Variants in ERBB4 observed in about 807,000 individuals in gnomAD.
ERBB4 encodes receptor tyrosine-protein kinase erbB-4.
In ERBB4, 42 loss-of-function variants were observed where a neutral mutation model predicts 158.0. The observed-to-expected ratio is 0.27, with a 90% CI of 0.21 to 0.34. The LOEUF (loss-of-function observed/expected upper bound fraction) is 0.34. Ranked by LOEUF, ERBB4 falls within the 10% of genes least tolerant of loss-of-function variation. ERBB4 has a pLI of 1.00. For missense variants in ERBB4, 1,333 were observed against 1,624.1 expected (o/e 0.82, Z 3.08); for synonymous variants, 583 against 558.7 (o/e 1.04, Z -0.61).
chr2:211,690,587 CCAATAGA>C (rs2072770300), intron 12 of ERBB4, among the ~76,000 whole-genome samples: 1 of 152,072 alleles, frequency 6.6e-6, no homozygotes, highest in African/African-American at 2.4e-5. Flanking sequence ...TCTTTCCAGA[CCAATAGA>C]TGATGGAAGT....
intron 1 of ERBB4, among the ~76,000 whole-genome samples, chr2:212,161,806 T>C (rs1173944038): frequency 1.3e-5 from 2 of 151,810 alleles, no homozygotes; most frequent in Non-Finnish European, 2.9e-5. Context: ...TAACATTTGG[T>C]AAGAAGTGTA....
intron 3 of ERBB4, among the ~76,000 whole-genome samples, chr2:211,865,703 C>T (rs2078187238): frequency 6.6e-6 from 1 of 152,102 alleles, no homozygotes; most frequent in African/African-American, 2.4e-5. Context: ...CAGTTTTTCC[C>T]ATATTAATTA....
intron 1 of ERBB4, among the ~76,000 whole-genome samples, chr2:212,327,728 C>CTTT (rs11413473): frequency 5.2e-5 from 7 of 133,354 alleles, no homozygotes; most frequent in African/African-American, 8.3e-5. Context: ...TTCTTTTTTT[C>CTTT]TTTTTTTTTT....
chr2:212,485,475 G>C (rs1245837758), intron 1 of ERBB4, among the ~76,000 whole-genome samples: 1 of 152,164 alleles, frequency 6.6e-6, no homozygotes, highest in African/African-American at 2.4e-5. Flanking sequence ...GCTACGGAAT[G>C]AATTGTCAAA....
intron 1 of ERBB4, among the ~76,000 whole-genome samples, chr2:212,488,303 C>A (rs1320901670): frequency 6.8e-6 from 1 of 147,672 alleles, no homozygotes; most frequent in Non-Finnish European, 1.5e-5. Context: ...TCACTTTTTT[C>A]TAAGTTTCCT....
intron 19 of ERBB4, among the ~76,000 whole-genome samples, chr2:211,580,901 ATATAT>A (rs1461360396): frequency 0.12 from 744 of 6,146 alleles, 134 homozygotes; most frequent in African/African-American, 0.45. Flanking sequence ...ATATATATAT[ATATAT>A]ATATATATAT....
intron 3 of ERBB4, among the ~76,000 whole-genome samples, chr2:211,910,904 A>C (rs984419820): frequency 6.6e-6 from 1 of 152,186 alleles, no homozygotes; most frequent in East Asian, 1.9e-4. Context: ...TCCTTTATTC[A>C]AAATAATGTG....
rs76081578 is a variant in ERBB4 at position 212,295,149 on chromosome 2, T to G, written c.83-170246A>C. On this transcript the variant is annotated intron_variant, in intron 1 of 27. Transcript: ENST00000342788. ...CAAGCAGGTCTTGCAAGTTGTCAAT[T>G]AAAAGTCTGATATATTGATGTCCTC... 4.7e-3 allele frequency among the ~76,000 whole-genome samples: 713 copies of G among 152,180 alleles called. 1 individual carries two copies. Among genetic ancestry groups the G allele is most frequent in the African/African-American group, 0.017 (688 of 41,544 alleles).
At chr2:211,477,299 C>G (rs1390391660) in intron 20 of ERBB4, among the ~76,000 whole-genome samples, 1 of 144,568 alleles carries the variant, frequency 6.9e-6, no homozygotes, top group Non-Finnish European at 1.5e-5. Context: ...TCCTTAAAAT[C>G]TCTCTCTCTC....
At chr2:211,496,562 G>T (rs377581322) in intron 20 of ERBB4, among the ~76,000 whole-genome samples, 3 of 150,812 alleles carry the variant, frequency 2.0e-5, no homozygotes, top group African/African-American at 7.3e-5. Flanking sequence ...TCCAAATGAT[G>T]ACTACTTCTT....
intron 12 of ERBB4, among the ~76,000 whole-genome samples, chr2:211,687,515 A>T (rs1172387063): frequency 7.9e-6 from 1 of 127,222 alleles, no homozygotes; most frequent in African/African-American, 2.7e-5. Context: ...TGTTATTTTT[A>T]GCATTGTATG....
intron 20 of ERBB4, among the ~76,000 whole-genome samples, chr2:211,470,295 A>T (rs1025663663): frequency 3.9e-5 from 6 of 152,158 alleles, no homozygotes; most frequent in African/African-American, 1.4e-4. Flanking sequence ...GAAAAGGACA[A>T]TGTTAGTGGC....
chr2:212,483,631 T>C (rs1689823122), intron 1 of ERBB4, among the ~76,000 whole-genome samples: 1 of 152,192 alleles, frequency 6.6e-6, no homozygotes. Flanking sequence ...AAAGAGAATA[T>C]CTTGATTTAG....
At chr2:212,304,954 GTATA>G (rs147792901) in intron 1 of ERBB4, among the ~76,000 whole-genome samples, 3,177 of 150,950 alleles carry the variant, frequency 0.021, 121 homozygotes, top group African/African-American at 0.072. Flanking sequence ...GTGTGTGTGT[GTATA>G]TATATATAAT....
rs1437512949 is a variant in ERBB4 at position 211,571,038 on chromosome 2, C to CCTCTTTTTTTTTTTTTTT, written c.2302-8951_2302-8950insAAAAAAAAAAAAAAAGAG. On this transcript the variant is annotated intron_variant, in intron 19 of 27. Transcript: ENST00000342788. ...GATTTTTCACTCTCTGAGTACTCTT[C>CCTCTTTTTTTTTTTTTTT]TTCTTTTTTTTTTTTTTTTTTTTGA... 9.9e-4 allele frequency among the ~76,000 whole-genome samples: 58 copies of CCTCTTTTTTTTTTTTTTT among 58,728 alleles called. 2 individuals are homozygous for CCTCTTTTTTTTTTTTTTT. The highest frequency in any genetic ancestry group is 4.1e-3 in the African/African-American group (54 of 13,160). The allele number at this position is 58,728 out of a possible 152,430, so 38.5% of individuals were successfully genotyped here.
At chr2:211,464,971 C>CTTTTTTTTTT (rs908796417) in intron 20 of ERBB4, among the ~76,000 whole-genome samples, 1 of 75,666 alleles carries the variant, frequency 1.3e-5, no homozygotes, top group Non-Finnish European at 3.7e-5. Context: ...CCTTGTTTTT[C>CTTTTTTTTTT]TTTTTTTTTT....
At chr2:211,854,685 T>A (rs1000605317) in intron 3 of ERBB4, among the ~76,000 whole-genome samples, 12 of 152,184 alleles carry the variant, frequency 7.9e-5, no homozygotes, top group Admixed American at 7.9e-4. Flanking sequence ...TTCACGACTG[T>A]ATAGTATTCT....
intron 1 of ERBB4, among the ~76,000 whole-genome samples, chr2:212,369,807 C>G (rs546694738): frequency 6.6e-6 from 1 of 151,480 alleles, no homozygotes. Context: ...ATCCTCCTGC[C>G]TCAGCCTCAC....
chr2:211,655,822 G>A (rs1351254280), intron 16 of ERBB4, among the ~76,000 whole-genome samples: 1 of 152,108 alleles, frequency 6.6e-6, no homozygotes, highest in Non-Finnish European at 1.5e-5. Context: ...GAAATAACTA[G>A]ACTAACTAGT....
Sources: gnomAD v4.1 joint callset for allele counts (sites outside exome capture counted in the v4.1 genomes callset) on GRCh38, gnomAD v4.1.1 for gene constraint, MANE v1.5 for transcripts, NCBI Gene and HGNC (gene_info 2026-07-23, HGNC 2026-07-21) for gene names.